IQGAP2: variants seen among roughly 807,000 people sequenced by gnomAD.
IQGAP2 encodes the protein ras GTPase-activating-like protein IQGAP2.
A neutral mutation model predicts 201.3 loss-of-function variants in IQGAP2; 173 were observed. The ratio of observed to expected loss-of-function variants is 0.86; its 90% CI spans 0.76 to 0.98. IQGAP2 has a LOEUF of 0.98. IQGAP2 is among the 50% of genes least tolerant of loss of function. The pLI is 0.00. For synonymous variants in IQGAP2, 675 were observed against 673.9 expected, an observed-to-expected ratio of 1.00 and a Z score of -0.03; for missense variants, 1,687 against 1,864.8, an observed-to-expected ratio of 0.90 and a Z score of 1.76.
At chr5:76,596,234 G>A (rs563357021) in intron 9 of IQGAP2, among the ~76,000 whole-genome samples, 2 of 152,182 alleles carry the variant, frequency 1.3e-5, no homozygotes, top group African/African-American at 2.4e-5. Flanking sequence ...CACGAATTAG[G>A]CAGACAGGCT....
intron 8 of IQGAP2, among the ~76,000 whole-genome samples, chr5:76,590,893 C>A (rs977063294): frequency 1.3e-5 from 2 of 151,876 alleles, no homozygotes; most frequent in Admixed American, 6.6e-5. Flanking sequence ...TCAAAACGAG[C>A]CTGCGCGCTA....
intron 5 of IQGAP2, among the ~76,000 whole-genome samples, chr5:76,585,715 T>C (rs187377468): frequency 5.3e-5 from 8 of 152,216 alleles, no homozygotes; most frequent in African/African-American, 1.9e-4. Context: ...GGTTTCTCCA[T>C]GTTGGTCAGG....
At chr5:76,498,740 T>C (rs1176536546) in intron 2 of IQGAP2, among the ~76,000 whole-genome samples, 1 of 152,222 alleles carries the variant, frequency 6.6e-6, no homozygotes, top group East Asian at 1.9e-4. Flanking sequence ...CAACTGGGTG[T>C]TAGTTGAGCT....
At chr5:76,655,572 C>T (rs1281659027) in intron 20 of IQGAP2, among the ~76,000 whole-genome samples, 3 of 152,080 alleles carry the variant, frequency 2.0e-5, no homozygotes, top group Non-Finnish European at 4.4e-5. Context: ...CTCAGCCTTC[C>T]GAGTAGCTGG....
chr5:76,494,669 TTTTTG>T (rs376453798), intron 2 of IQGAP2, among the ~76,000 whole-genome samples: 2,431 of 152,008 alleles, frequency 0.016, 63 homozygotes, highest in African/African-American at 0.054. Context: ...TTGTTGTTGT[TTTTTG>T]TTTTGTTTTG....
chr5:76,509,539 C>T (rs1029462607), intron 2 of IQGAP2, among the ~76,000 whole-genome samples: 8 of 151,956 alleles, frequency 5.3e-5, no homozygotes, highest in African/African-American at 1.7e-4. Context: ...CTACAGGTGC[C>T]TGCCACCATG....
At chr5:76,704,463 G>A (rs1747695786) in intron 35 of IQGAP2, among the ~76,000 whole-genome samples, 1 of 152,226 alleles carries the variant, frequency 6.6e-6, no homozygotes, top group South Asian at 2.1e-4. Flanking sequence ...TCTGTATACA[G>A]TAAGATTAGC....
chr5:76,644,568 G>A lies in IQGAP2; in HGVS notation c.2094+3465G>A, dbSNP rs145049953. On this transcript the variant is annotated intron_variant, in intron 17 of 35. Coordinates refer to ENST00000274364, the MANE Select transcript of IQGAP2 (RefSeq NM_006633.5). ...GCCTGCCTCGGCTTTCCAAAGTGCT[G>A]GGATTATAGGCATAAGCCACCACAC... is the stretch of plus-strand genomic sequence containing the variant. Among the ~76,000 whole-genome samples the A allele has an allele frequency of 5.7e-4, 86 of 150,950 alleles. 2 individuals carry two copies. In the East Asian group the frequency reaches 0.018, roughly 31 times the overall value.
chr5:76,695,655 G>A lies in IQGAP2; in HGVS notation c.4195G>A (p.Glu1399Lys). Residue 1399 changes from glutamate (E) to lysine (K), a missense_variant, in exon 32 of 36, where the codon GAG becomes AAG. Transcript: ENST00000274364. ...SENKYQDILN[E>K]IAKDIRNQRI... ...AAATAAATACCAAGACATTCTCAAT[G>A]AGATTGCCAAGGTTTTTGGAAACAG... The A allele has an allele frequency of 6.2e-7, 1 of 1,613,476 alleles. No individual in the cohort carries two copies. The highest frequency in any genetic ancestry group is 8.5e-7 in the Non-Finnish European group (1 of 1,179,498).
At chr5:76,449,711 C>T (rs1359125777) in intron 1 of IQGAP2, among the ~76,000 whole-genome samples, 1 of 152,166 alleles carries the variant, frequency 6.6e-6, no homozygotes, top group Non-Finnish European at 1.5e-5. Flanking sequence ...GACACTTCTG[C>T]TGCACAAATG....
intron 1 of IQGAP2, among the ~76,000 whole-genome samples, chr5:76,421,924 T>G (rs1381555018): frequency 6.6e-6 from 1 of 152,194 alleles, no homozygotes; most frequent in Non-Finnish European, 1.5e-5. Flanking sequence ...CCCTAGCTCA[T>G]GTTGTTTAGC....
chr5:76,468,624 C>G (rs1385120871), intron 2 of IQGAP2, among the ~76,000 whole-genome samples: 1 of 152,182 alleles, frequency 6.6e-6, no homozygotes, highest in African/African-American at 2.4e-5. Flanking sequence ...AATCCTTTAT[C>G]TGTCTTATAG....
intron 1 of IQGAP2, among the ~76,000 whole-genome samples, chr5:76,439,593 G>C (rs1752915873): frequency 6.6e-6 from 1 of 151,984 alleles, no homozygotes; most frequent in Non-Finnish European, 1.5e-5. Flanking sequence ...ATTATATAGT[G>C]ACCTTCTTTG....
chr5:76,640,894 G>T (rs1751520637), intron 16 of IQGAP2, 39 bp from the exon 17 acceptor site: 1 of 1,438,610 alleles, frequency 7.0e-7, no homozygotes, highest in South Asian at 1.3e-5. Context: ...CCTTTCAGCT[G>T]ATGTGTGAAG....
chr5:76,434,937 G>A (rs897254292), intron 1 of IQGAP2, among the ~76,000 whole-genome samples: 1 of 152,004 alleles, frequency 6.6e-6, no homozygotes, highest in Admixed American at 6.6e-5. Flanking sequence ...GTTTTAATTT[G>A]CAGTTCCCTG....
intron 24 of IQGAP2, 22 bp from the exon 25 acceptor site, chr5:76,673,427 T>G (rs1478486413): frequency 6.2e-7 from 1 of 1,608,314 alleles, no homozygotes; most frequent in Admixed American, 1.7e-5. Flanking sequence ...CTCCAGTTAA[T>G]TTAAAGCCTT....
intron 1 of IQGAP2, among the ~76,000 whole-genome samples, chr5:76,451,736 A>T (rs1328732587): frequency 6.6e-6 from 1 of 152,170 alleles, no homozygotes; most frequent in Non-Finnish European, 1.5e-5. Flanking sequence ...CTGCAACTGA[A>T]CATTAAAACA....
At chr5:76,551,886 AGGGGAG>A (rs1236186193) in intron 2 of IQGAP2, among the ~76,000 whole-genome samples, 2 of 2,168 alleles carry the variant, frequency 9.2e-4, no homozygotes, top group Non-Finnish European at 2.0e-3. Context: ...GGGGAGGGGG[AGGGGAG>A]GGGGAGGGGA....
At chr5:76,664,459 T>C (rs1043835371) in intron 21 of IQGAP2, among the ~76,000 whole-genome samples, 3 of 151,986 alleles carry the variant, frequency 2.0e-5, no homozygotes, top group Non-Finnish European at 4.4e-5. Context: ...CCAAAGCGGG[T>C]GGATCAAGAG....
Sources: gnomAD v4.1 joint callset for allele counts (sites outside exome capture counted in the v4.1 genomes callset) on GRCh38, gnomAD v4.1.1 for gene constraint, MANE v1.5 for transcripts, NCBI Gene and HGNC (gene_info 2026-07-23, HGNC 2026-07-21) for gene names.